The following ELOVL7 variants were observed in gnomAD, a reference collection of about 807,000 sequenced individuals.
ELOVL7 encodes ELOVL fatty acid elongase 7.
Under a neutral mutation model 35.7 loss-of-function variants are expected in ELOVL7, and 27 were observed. That is an observed-to-expected ratio of 0.76 (90% CI 0.56 to 1.04). The LOEUF (loss-of-function observed/expected upper bound fraction) is 1.04, where lower values mean the gene tolerates loss of function less well. Ranked by LOEUF, ELOVL7 falls within the 50% of genes least tolerant of loss-of-function variation. The pLI is 0.00. For missense variants in ELOVL7, 327 were observed against 340.8 expected, an observed-to-expected ratio of 0.96 and a Z score of 0.32; for synonymous variants, 113 against 114.6, an observed-to-expected ratio of 0.99 and a Z score of 0.09.
At chr5:60,769,639 A>G (rs1313532869) in intron 4 of ELOVL7, among the ~76,000 whole-genome samples, 1 of 152,200 alleles carries the variant, frequency 6.6e-6, no homozygotes, top group Non-Finnish European at 1.5e-5. Flanking sequence ...CCATCAACAG[A>G]TGGATGGCAT....
chr5:60,825,476 G>A (rs183376591), intron 1 of ELOVL7, among the ~76,000 whole-genome samples: 20 of 152,148 alleles, frequency 1.3e-4, no homozygotes, highest in African/African-American at 4.3e-4. Context: ...CTTGTTTACC[G>A]TCTGGCCCTC....
intron 7 of ELOVL7, among the ~76,000 whole-genome samples, chr5:60,763,924 T>C (rs1742074613): frequency 6.6e-6 from 1 of 152,110 alleles, no homozygotes; most frequent in Non-Finnish European, 1.5e-5. Context: ...ATTTATTTAT[T>C]ATTTATTTAT....
At chr5:60,759,413 A>G (rs1438130684) in intron 7 of ELOVL7, among the ~76,000 whole-genome samples, 1 of 149,506 alleles carries the variant, frequency 6.7e-6, no homozygotes, top group Admixed American at 6.9e-5. Flanking sequence ...ATTTAAAAAT[A>G]GAATAGTTGT....
At chr5:60,796,494 T>C (rs548931521) in intron 2 of ELOVL7, among the ~76,000 whole-genome samples, 7 of 152,326 alleles carry the variant, frequency 4.6e-5, no homozygotes, top group South Asian at 2.1e-4. Context: ...TCGTCCCCAG[T>C]TGAGATGATC....
chr5:60,807,199 G>T (rs931933275), intron 1 of ELOVL7, among the ~76,000 whole-genome samples: 2 of 151,782 alleles, frequency 1.3e-5, no homozygotes, highest in African/African-American at 4.8e-5. Context: ...TGGTACAACA[G>T]GATTGATTCT....
chr5:60,781,228 G>T (rs934487006), intron 3 of ELOVL7, among the ~76,000 whole-genome samples: 18 of 150,376 alleles, frequency 1.2e-4, no homozygotes, highest in Non-Finnish European at 2.1e-4. Context: ...AAAAAAAAAG[G>T]AAAGAAAAAC....
chr5:60,815,716 C>G (rs181497778), intron 1 of ELOVL7, among the ~76,000 whole-genome samples: 1 of 152,066 alleles, frequency 6.6e-6, no homozygotes, highest in Non-Finnish European at 1.5e-5. Flanking sequence ...TGCAGGTTTG[C>G]GCCACCATGC....
chr5:60,766,517 T>C (rs1366554047), intron 6 of ELOVL7, 57 bp downstream of exon 6: 4 of 1,441,010 alleles, frequency 2.8e-6, no homozygotes, highest in African/African-American at 1.4e-5. Flanking sequence ...AGATCAAACA[T>C]TTAAGATCAA....
Position 60,752,170 on chromosome 5 carries a change from A to G in ELOVL7, c.*2454T>C, listed in dbSNP as rs1325238514. 2.0e-5 allele frequency: 3 copies of G among 152,182 alleles called. No individual in the cohort carries two copies. The highest frequency in any genetic ancestry group is 3.9e-4 in the East Asian group (2 of 5,188). 9.4% of individuals were successfully genotyped at this position (152,182 alleles called of 1,614,324 possible). A position where few individuals can be genotyped will look rare whatever the true frequency, so the allele number is the denominator to read the frequency against. ...TGTGACCACACAGAACTCTTTTAAT[A>G]AATATGGCCCATACAAATTCCATAT... On this transcript the variant is annotated 3_prime_UTR_variant, in exon 9 of 9. Transcript: ENST00000508821.
chr5:60,812,461 G>A (rs958005113), intron 1 of ELOVL7, among the ~76,000 whole-genome samples: 1 of 152,030 alleles, frequency 6.6e-6, no homozygotes, highest in East Asian at 1.9e-4. Flanking sequence ...CCCTCTCTAG[G>A]CTGGAGAGGA....
chr5:60,842,904 C>CGTAGGGCA (rs78143607), intron 1 of ELOVL7, among the ~76,000 whole-genome samples: 57,837 of 151,122 alleles, frequency 0.38, 12,059 homozygotes, highest in East Asian at 0.8. Context: ...ATGTCTGCCA[C>CGTAGGGCA]GGGGTGAGGG....
chr5:60,774,735 A>T (rs1321505692), intron 3 of ELOVL7, among the ~76,000 whole-genome samples: 1 of 152,092 alleles, frequency 6.6e-6, no homozygotes, highest in African/African-American at 2.4e-5. Context: ...TCTACCTAGA[A>T]AAACCTACCA....
intron 3 of ELOVL7, among the ~76,000 whole-genome samples, chr5:60,773,355 G>A (rs1742713322): frequency 6.6e-6 from 1 of 152,158 alleles, no homozygotes; most frequent in African/African-American, 2.4e-5. Context: ...TGCTAATGAT[G>A]TGGCCAAGCA....
chr5:60,783,113 T>G (rs1302636587), intron 3 of ELOVL7, among the ~76,000 whole-genome samples: 1 of 152,174 alleles, frequency 6.6e-6, no homozygotes, highest in Non-Finnish European at 1.5e-5. Context: ...ACTGTCATAG[T>G]TAAGAGCTAG....
Position 60,777,826 on chromosome 5 carries a change from G to A in ELOVL7, c.65-5733C>T, listed in dbSNP as rs904855684. Among the ~76,000 whole-genome samples, 28 of 152,082 alleles carry A rather than the reference G, an allele frequency of 1.8e-4. 2 individuals are homozygous for A. Among genetic ancestry groups the A allele is most frequent in the East Asian group, 1.3e-3 (7 of 5,194 alleles). The stretch of plus-strand genomic sequence containing the variant: ...TGAAGCCAGGGAAGAGTGGATTTTC[G>A]GAAGGAGTCAAAGCATTAAGTGTGG... On this transcript the variant is annotated intron_variant, in intron 3 of 8. Coordinates refer to ENST00000508821, the MANE Select transcript of ELOVL7 (RefSeq NM_024930.3).
At chr5:60,789,993 C>T (rs1046873034) in intron 2 of ELOVL7, among the ~76,000 whole-genome samples, 5 of 151,868 alleles carry the variant, frequency 3.3e-5, no homozygotes, top group Admixed American at 1.3e-4. Context: ...AAAAATTAGC[C>T]GGGCATGGTG....
At chr5:60,760,162 G>A (rs992243376) in intron 7 of ELOVL7, among the ~76,000 whole-genome samples, 14 of 152,186 alleles carry the variant, frequency 9.2e-5, no homozygotes, top group African/African-American at 3.4e-4. Context: ...CCAGTAATGG[G>A]ATGGCTGGGT....
chr5:60,824,114 G>T (rs1303155986), intron 1 of ELOVL7, among the ~76,000 whole-genome samples: 2 of 152,190 alleles, frequency 1.3e-5, no homozygotes, highest in African/African-American at 4.8e-5. Context: ...CCGTGCAGAG[G>T]ATTACTGTAG....
chr5:60,799,212 A>C lies in ELOVL7; in HGVS notation c.-67T>G, dbSNP rs1225599623. ...TATGGGATGCCACAAAAGCAGTTCT[A>C]AGAGGGAAGTTTAAATGCCTATAAT... On this transcript the variant is annotated 5_prime_UTR_variant, in exon 2 of 9. Coordinates refer to ENST00000508821, the MANE Select transcript of ELOVL7 (RefSeq NM_024930.3). The C allele has an allele frequency of 1.3e-5, 2 of 152,184 alleles. No homozygotes were observed. The highest frequency in any genetic ancestry group is 4.1e-4 in the South Asian group (2 of 4,834). 9.4% of individuals were successfully genotyped at this position (152,184 alleles called of 1,614,324 possible).
Sources: gnomAD v4.1 joint callset for allele counts (sites outside exome capture counted in the v4.1 genomes callset) on GRCh38, gnomAD v4.1.1 for gene constraint, MANE v1.5 for transcripts, NCBI Gene and HGNC (gene_info 2026-07-23, HGNC 2026-07-21) for gene names.